PRH1: variants seen among roughly 807,000 people sequenced by gnomAD.
The protein encoded by PRH1 is proline rich protein HaeIII subfamily 1, also known as salivary acidic proline-rich phosphoprotein 1/2.
A neutral mutation model predicts 7.9 loss-of-function variants in PRH1; 7 were observed. The ratio of observed to expected loss-of-function variants is 0.89; its 90% CI spans 0.50 to 1.67. The LOEUF (loss-of-function observed/expected upper bound fraction) is 1.67, where lower values mean the gene tolerates loss of function less well. PRH1 is among the 40% of genes most tolerant of loss of function. The probability of loss-of-function intolerance (pLI) is 0.00; values close to 1 mark genes in which losing one functional copy is unlikely to be tolerated. For synonymous variants in PRH1, 45 were observed against 80.8 expected (o/e 0.56, Z 2.38); for missense variants, 109 against 223.6 (o/e 0.49, Z 3.27).
chr12:11,128,009 G>A (rs1946192776), intron 1 of PRH1, among the ~76,000 whole-genome samples: 3 of 150,704 alleles, frequency 2.0e-5, no homozygotes, highest in Admixed American at 1.3e-4. Context: ...ACTCGGGGAG[G>A]CTGAGGCCAG....
chr12:11,138,441 C>T (rs768561224), intron 1 of PRH1, among the ~76,000 whole-genome samples: 5 of 152,030 alleles, frequency 3.3e-5, no homozygotes, highest in South Asian at 2.1e-4. Flanking sequence ...ATATTTAACC[C>T]AAAATGCAGG....
chr12:11,062,612 C>T (rs926430958), intron 1 of PRH1, among the ~76,000 whole-genome samples: 2 of 152,074 alleles, frequency 1.3e-5, no homozygotes, highest in African/African-American at 4.8e-5. Context: ...TTCTCATTTG[C>T]TAGTATGCAA....
intron 2 of PRH1, among the ~76,000 whole-genome samples, chr12:10,913,907 C>T (rs1949936174): frequency 6.6e-6 from 1 of 152,140 alleles, no homozygotes; most frequent in Non-Finnish European, 1.5e-5. Flanking sequence ...CAAAAACAAA[C>T]AACAAAAACT....
At chr12:10,893,842 C>T (rs967732317) in intron 2 of PRH1, among the ~76,000 whole-genome samples, 2 of 151,732 alleles carry the variant, frequency 1.3e-5, no homozygotes, top group African/African-American at 2.4e-5. Flanking sequence ...CGTAATTGTT[C>T]TTCAAAATCT....
chr12:11,005,205 T>C (rs940272794), intron 1 of PRH1, among the ~76,000 whole-genome samples: 1 of 152,316 alleles, frequency 6.6e-6, no homozygotes, highest in African/African-American at 2.4e-5. Flanking sequence ...TTAACTTCTA[T>C]TCAAACACTA....
rs1942723099 is a variant in PRH1 at position 11,041,913 on chromosome 12, A to G, written c.-126+5107T>C. ...ACAAATAAATTTAAAAGGAAATGGA[A>G]AATTGCTAGAAACAAATGATAGTGG... is the stretch of plus-strand genomic sequence containing the variant. On this transcript the variant is annotated intron_variant, in intron 1 of 3. Coordinates refer to the PRH1 transcript ENST00000539853. Among the ~76,000 whole-genome samples, 3 of 152,186 alleles carry G rather than the reference A, an allele frequency of 2.0e-5. No homozygotes were observed. In the South Asian group the frequency reaches 6.2e-4, roughly 31 times the overall value.
chr12:10,964,803 T>C, intron 2 of PRH1: 1 of 575,018 alleles, frequency 1.7e-6, no homozygotes, highest in East Asian at 4.1e-5. Flanking sequence ...GGTATTAAGT[T>C]TGCAAGCGTG....
At chr12:11,131,488 A>C (rs977141576) in intron 1 of PRH1, among the ~76,000 whole-genome samples, 2 of 152,228 alleles carry the variant, frequency 1.3e-5, no homozygotes, top group Non-Finnish European at 2.9e-5. Context: ...CTGGTTACTA[A>C]CTCAATTTTT....
chr12:11,077,921 G>T, intron 1 of PRH1: 1 of 868,396 alleles, frequency 1.2e-6, no homozygotes, highest in Non-Finnish European at 1.8e-6. Flanking sequence ...GCAATCTTGA[G>T]CAAATAAAAT....
rs1330123164 is a variant in PRH1 at position 11,096,215 on chromosome 12, C to G, written n.124-49027G>C. Among the ~76,000 whole-genome samples the G allele has an allele frequency of 5.2e-5, 6 of 115,468 alleles. 3 individuals are homozygous for G. The highest frequency in any genetic ancestry group is 1.2e-4 in the Non-Finnish European group (6 of 48,808). 75.8% of individuals were successfully genotyped at this position (115,468 alleles called of 152,430 possible). On this transcript the variant is annotated intron_variant and non_coding_transcript_variant, in intron 1 of 4. Transcript: ENST00000541977. ...AGTATGTTAGTTGTTCTGATTGTAG[C>G]TTCACTGTCTGTGGCCCTCTAGCCT...
chr12:11,100,696 T>C (rs1945209912), intron 1 of PRH1, among the ~76,000 whole-genome samples: 1 of 152,242 alleles, frequency 6.6e-6, no homozygotes, highest in Admixed American at 6.5e-5. Flanking sequence ...AAATGCTTTT[T>C]CTCATTCTTA....
At chr12:10,919,252 A>G (rs1010560176) in intron 2 of PRH1, among the ~76,000 whole-genome samples, 2 of 152,172 alleles carry the variant, frequency 1.3e-5, no homozygotes, top group African/African-American at 2.4e-5. Context: ...ATCTCACACA[A>G]TATATTTGTA....
At chr12:10,969,715 A>G (rs1374370715) in intron 2 of PRH1, among the ~76,000 whole-genome samples, 2 of 152,130 alleles carry the variant, frequency 1.3e-5, no homozygotes. Context: ...AAAATTTATC[A>G]TATGTATCAA....
At chr12:11,104,022 C>T (rs1302677327) in intron 1 of PRH1, among the ~76,000 whole-genome samples, 1 of 151,978 alleles carries the variant, frequency 6.6e-6, no homozygotes, top group Non-Finnish European at 1.5e-5. Context: ...CTAGGCTACC[C>T]TGTTGCTGTA....
intron 1 of PRH1, among the ~76,000 whole-genome samples, chr12:11,080,650 C>A (rs1323315654): frequency 0.032 from 1,600 of 50,556 alleles, 5 homozygotes; most frequent in East Asian, 0.05. Flanking sequence ...CAGGAAGACA[C>A]TATTTTATAC....
intron 1 of PRH1, chr12:10,985,765 T>C (rs1939583640): frequency 1.7e-6 from 1 of 579,422 alleles, no homozygotes; most frequent in Non-Finnish European, 3.0e-6. Flanking sequence ...TGCACACACA[T>C]AGATACACTT....
rs898308508 is a variant in PRH1 at position 11,146,658 on chromosome 12, C to G, written n.39+24764G>C. 2.0e-5 allele frequency among the ~76,000 whole-genome samples: 3 copies of G among 152,052 alleles called. No homozygotes were observed. In the South Asian group the frequency reaches 6.2e-4, roughly 31 times the overall value. On this transcript the variant is annotated intron_variant and non_coding_transcript_variant, in intron 1 of 1. Transcript: ENST00000541175. ...CTTTCAGATAAAATCCTCACCTACCCTGAATTTATAAAATAATTTACATTT... is the reference window on the plus strand; with the variant it reads ...CTTTCAGATAAAATCCTCACCTACCGTGAATTTATAAAATAATTTACATTT...
At chr12:11,021,817 A>C (rs112900131) in intron 1 of PRH1, 1 of 1,533,462 alleles carries the variant, frequency 6.5e-7, no homozygotes. Flanking sequence ...CTGTGTCCTA[A>C]GATTCCAAGT....
upstream of PRH1, among the ~76,000 whole-genome samples, chr12:10,884,986 C>G (rs186209808): frequency 6.6e-6 from 1 of 152,270 alleles, no homozygotes; most frequent in South Asian, 2.1e-4. Context: ...ACTCAGAAAC[C>G]ACCAAGGAAT....
Sources: gnomAD v4.1 joint callset for allele counts (sites outside exome capture counted in the v4.1 genomes callset) on GRCh38, gnomAD v4.1.1 for gene constraint, MANE v1.5 for transcripts, NCBI Gene and HGNC (gene_info 2026-07-23, HGNC 2026-07-21) for gene names.